The following SLC25A36 variants were observed in gnomAD, a reference collection of about 807,000 sequenced individuals.
The protein encoded by SLC25A36 is epididymis secretory sperm binding protein.
A neutral mutation model predicts 35.3 loss-of-function variants in SLC25A36; 24 were observed. The observed-to-expected ratio is 0.68, with a 90% CI of 0.49 to 0.96. The LOEUF is 0.96. Among genes scored for constraint, SLC25A36 ranks in the 40% least tolerant of loss-of-function variants. The pLI, the probability that SLC25A36 is intolerant of heterozygous loss-of-function variation, is 0.00. For missense variants in SLC25A36, 294 were observed against 381.1 expected, an observed-to-expected ratio of 0.77 and a Z score of 1.90; for synonymous variants, 141 against 132.2, an observed-to-expected ratio of 1.07 and a Z score of -0.46.
At chr3:140,942,126 G>A (rs1934018237) in intron 1 of SLC25A36, 31 bp downstream of exon 1, 6 of 1,069,530 alleles carry the variant, frequency 5.6e-6, no homozygotes, top group East Asian at 3.6e-5. Context: ...GCGCACTGGG[G>A]CTGAGGGTGC....
chr3:140,944,140 G>A (rs962690403), intron 1 of SLC25A36, among the ~76,000 whole-genome samples: 10 of 152,168 alleles, frequency 6.6e-5, no homozygotes, highest in African/African-American at 9.7e-5. Flanking sequence ...AGGAAGCCCA[G>A]TATATTTTAA....
intron 5 of SLC25A36, chr3:140,972,838 T>A (rs940692372): frequency 6.6e-6 from 1 of 152,084 alleles, no homozygotes; most frequent in Admixed American, 6.5e-5. Flanking sequence ...GTGGGTGTTG[T>A]AGTTGTGATT....
chr3:140,961,485 C>CTT (rs1409443756), intron 3 of SLC25A36, among the ~76,000 whole-genome samples: 1 of 151,940 alleles, frequency 6.6e-6, no homozygotes, highest in East Asian at 1.9e-4. Context: ...TCTTTGAATA[C>CTT]TTTAGGAAGT....
chr3:140,978,572 G>A lies in SLC25A36; in HGVS notation c.*2119G>A, dbSNP rs1935111713. 6.6e-6 allele frequency: 1 copy of A among 152,212 alleles called. No individual in the cohort carries two copies. The highest frequency in any genetic ancestry group is 1.5e-5 in the Non-Finnish European group (1 of 68,038). The allele number at this position is 152,212 out of a possible 1,614,324, so 9.4% of individuals were successfully genotyped here. A position where few individuals can be genotyped will look rare whatever the true frequency, so the allele number is the denominator to read the frequency against. ...TTTAGTTGTAGCATATTCATAACAA[G>A]TGTCCTTCAAGGATAAACATATATT... On this transcript the variant is annotated 3_prime_UTR_variant, in exon 7 of 7. Transcript: ENST00000324194.
At chr3:140,946,457 G>A (rs1379095473) in intron 1 of SLC25A36, among the ~76,000 whole-genome samples, 1 of 152,070 alleles carries the variant, frequency 6.6e-6, no homozygotes, top group Non-Finnish European at 1.5e-5. Flanking sequence ...AGGCTAATTG[G>A]TCTCTGCTAG....
At chr3:140,966,793 T>C (rs2107806947) in intron 4 of SLC25A36, 2 of 387,650 alleles carry the variant, frequency 5.2e-6, no homozygotes, top group Non-Finnish European at 1.0e-5. Context: ...CCTTTCTTTT[T>C]TTTAACTTAA....
Position 140,980,126 on chromosome 3 carries a change from C to G in SLC25A36, c.*3673C>G, listed in dbSNP as rs1317646593. Among the ~76,000 whole-genome samples, 1 of 152,078 alleles carries G rather than the reference C, an allele frequency of 6.6e-6. No individual in the cohort carries two copies. Among genetic ancestry groups the G allele is most frequent in the Non-Finnish European group, 1.5e-5 (1 of 68,002 alleles). On this transcript the variant is annotated 3_prime_UTR_variant, in exon 7 of 7. Coordinates refer to ENST00000324194, the MANE Select transcript of SLC25A36 (RefSeq NM_001104647.3). ...AGATCTAGTGATGTCTGAAGGAACC[C>G]AAAGGTCAAGTAATCCAACTCCCTC...
At chr3:140,946,241 G>T (rs1428047763) in intron 1 of SLC25A36, among the ~76,000 whole-genome samples, 4 of 152,304 alleles carry the variant, frequency 2.6e-5, no homozygotes, top group Non-Finnish European at 5.9e-5. Flanking sequence ...TAAATCGAAT[G>T]ATGATGAATC....
At chr3:140,968,551 C>CTATA (rs759626492) in intron 4 of SLC25A36, 106 of 942,256 alleles carry the variant, frequency 1.1e-4, no homozygotes, top group Non-Finnish European at 1.3e-4. Context: ...TGCTTTCTGA[C>CTATA]ATTATAGTAA....
At chr3:140,972,635 G>A (rs931953251) in intron 5 of SLC25A36, 1 of 151,644 alleles carries the variant, frequency 6.6e-6, no homozygotes, top group Admixed American at 6.6e-5. Flanking sequence ...AAAAGAAAAA[G>A]AAAAAAATTA....
intron 3 of SLC25A36, among the ~76,000 whole-genome samples, chr3:140,960,688 G>A (rs916134847): frequency 6.6e-5 from 10 of 152,214 alleles, no homozygotes; most frequent in African/African-American, 2.4e-4. Context: ...GAACTATGGT[G>A]TGACAAACAG....
At chr3:140,973,011 G>A (rs1934945460) in intron 5 of SLC25A36, 2 of 152,182 alleles carry the variant, frequency 1.3e-5, no homozygotes, top group African/African-American at 4.8e-5. Flanking sequence ...ATGTGTAGGA[G>A]ATGTTGTATT....
In SLC25A36 at chr3:140,956,650, T is replaced by G; in HGVS notation, c.165T>G (p.Ser55Arg). Residue 55 changes from serine to arginine, a missense_variant, in exon 2 of 7, where the codon AGT becomes AGG. Physicochemically the swap from Ser to Arg is moderately radical, Grantham distance 110. This residue lies in a region of SLC25A36 where 185 missense variants were observed against 201.5 expected (regional missense o/e 0.92). Transcript: ENST00000324194. ...AGCTGAACACCATGGCTGGAGCCAG[T>G]GTCAACCGAGTAGTGTCTCCCGGAC... Reference protein sequence around the residue: ...EVQLNTMAGASVNRVVSPGPL... With the variant: ...EVQLNTMAGARVNRVVSPGPL... The G allele has an allele frequency of 6.2e-7, 1 of 1,614,038 alleles. No individual in the cohort carries two copies. The highest frequency in any genetic ancestry group is 8.5e-7 in the Non-Finnish European group (1 of 1,179,966).
intron 1 of SLC25A36, among the ~76,000 whole-genome samples, chr3:140,951,146 C>A (rs7638025): frequency 1.3e-5 from 2 of 151,966 alleles, no homozygotes; most frequent in African/African-American, 4.8e-5. Context: ...AGTTGTCTTT[C>A]CCATTTGCCT....
At position 140,948,578 on chromosome 3, in the gene SLC25A36, A is replaced by G. The variant is rs146677134; in HGVS notation, c.41+6483A>G. Among the ~76,000 whole-genome samples the G allele has an allele frequency of 9.6e-4, 146 of 152,354 alleles. No individual in the cohort carries two copies. The East Asian group carries it at 0.025, about 26-fold the overall frequency. ...TTATCCTTTTCATCTTGCTTTATAA[A>G]GCTAAACACTGCTTAAAGTTAATAA... On this transcript the variant is annotated intron_variant, in intron 1 of 6. Coordinates refer to ENST00000324194, the MANE Select transcript of SLC25A36 (RefSeq NM_001104647.3).
intron 1 of SLC25A36, among the ~76,000 whole-genome samples, chr3:140,946,408 C>A (rs918986574): frequency 6.6e-6 from 1 of 152,130 alleles, no homozygotes; most frequent in Admixed American, 6.5e-5. Context: ...AGGACTTTGA[C>A]CTTTTCTATT....
intron 3 of SLC25A36, among the ~76,000 whole-genome samples, chr3:140,962,139 T>TTATTCCTC (rs1377235620): frequency 2.6e-5 from 4 of 152,296 alleles, no homozygotes; most frequent in Admixed American, 1.3e-4. Flanking sequence ...AATGCATTGT[T>TTATTCCTC]TATTCCTCTT....
intron 5 of SLC25A36, chr3:140,972,897 T>A (rs1451797169): frequency 6.6e-6 from 1 of 152,114 alleles, no homozygotes; most frequent in Admixed American, 6.6e-5. Context: ...ATAGGTAAAT[T>A]TTCTGTTTTT....
chr3:140,973,676 T>TA (rs751322706), intron 5 of SLC25A36, 40 bp from the exon 6 acceptor site: 4 of 1,373,978 alleles, frequency 2.9e-6, no homozygotes, highest in East Asian at 4.9e-5. Flanking sequence ...TTACTTACTT[T>TA]AAAAAACCTA....
Sources: gnomAD v4.1 joint callset for allele counts (sites outside exome capture counted in the v4.1 genomes callset) on GRCh38, gnomAD v4.1.1 for gene constraint, gnomAD v4.1.1 regional missense constraint, MANE v1.5 for transcripts, NCBI Gene and HGNC (gene_info 2026-07-23, HGNC 2026-07-21) for gene names.